Variants in ZNF251 observed in about 807,000 individuals in gnomAD.
The protein encoded by ZNF251 is zinc finger protein 251.
ZNF251 carries 14 observed loss-of-function variants against 13.5 expected under a neutral mutation model. The observed-to-expected ratio is 1.04, with a 90% CI of 0.69 to 1.63. The LOEUF (loss-of-function observed/expected upper bound fraction) is 1.63. ZNF251 is among the 40% of genes most tolerant of loss of function. The pLI, the probability that ZNF251 is intolerant of heterozygous loss-of-function variation, is 0.00. For synonymous variants in ZNF251, 287 were observed against 295.2 expected, an observed-to-expected ratio of 0.97 and a Z score of 0.28; for missense variants, 764 against 834.9, an observed-to-expected ratio of 0.92 and a Z score of 1.05.
At chr8:144,732,549 A>T (rs1230982596) in intron 4 of ZNF251, among the ~76,000 whole-genome samples, 1 of 152,196 alleles carries the variant, frequency 6.6e-6, no homozygotes, top group Non-Finnish European at 1.5e-5. Context: ...GCGGTGGCTC[A>T]CGCCTGTAAT....
intron 1 of ZNF251, 40 bp from the exon 2 acceptor site, chr8:144,754,843 G>A (rs1824882826): frequency 6.7e-7 from 1 of 1,503,694 alleles, no homozygotes; most frequent in Non-Finnish European, 8.9e-7. Flanking sequence ...CATTCAACCA[G>A]GGGTGTGGAA....
rs374175811 is a variant in ZNF251 at position 144,721,607 on chromosome 8, G to A, written c.*37C>T. Reference sequence around the variant, plus strand: ...ATGCCATCTTATCTTCTAATGTCAAGTGAACAGTTGCTAAACTGTCTTCTG... The same window carrying A: ...ATGCCATCTTATCTTCTAATGTCAAATGAACAGTTGCTAAACTGTCTTCTG... On this transcript the variant is annotated 3_prime_UTR_variant, in exon 5 of 5. Transcript: ENST00000292562. The A allele has an allele frequency of 1.5e-5, 20 of 1,314,904 alleles. No individual in the cohort carries two copies. The highest frequency in any genetic ancestry group is 4.5e-5 in the African/African-American group (3 of 66,600). The allele number at this position is 1,314,904 out of a possible 1,614,324, so 81.5% of individuals were successfully genotyped here.
At chr8:144,724,973 C>G (rs1272571873) in intron 4 of ZNF251, among the ~76,000 whole-genome samples, 1 of 152,028 alleles carries the variant, frequency 6.6e-6, no homozygotes, top group Non-Finnish European at 1.5e-5. Flanking sequence ...ATTTAGCACT[C>G]AAACAATTAT....
rs536198090 is a variant in ZNF251, at chr8:144,735,973, G to A, written c.278-12591C>T. Among the ~76,000 whole-genome samples, 347 of 152,266 alleles carry A rather than the reference G, an allele frequency of 2.3e-3. 1 individual carries two copies. Among genetic ancestry groups the A allele is most frequent in the African/African-American group, 7.8e-3 (325 of 41,562 alleles). ...TCAACTGACCCTGGCCCCCCACAGC[G>A]GGACCCAGGCCTCACCATTATTTTC... On this transcript the variant is annotated intron_variant, in intron 4 of 4. Transcript: ENST00000292562.
chr8:144,749,738 C>G (rs1033631829), intron 4 of ZNF251, among the ~76,000 whole-genome samples: 1 of 152,134 alleles, frequency 6.6e-6, no homozygotes, highest in Non-Finnish European at 1.5e-5. Context: ...ACAGCTAATA[C>G]AAGTCCACTT....
intron 4 of ZNF251, among the ~76,000 whole-genome samples, chr8:144,750,790 T>A (rs1824654621): frequency 6.6e-6 from 1 of 152,038 alleles, no homozygotes; most frequent in Non-Finnish European, 1.5e-5. Flanking sequence ...CCTGGGAGAT[T>A]ATTGCTCACA....
At chr8:144,749,643 A>G (rs1192121160) in intron 4 of ZNF251, among the ~76,000 whole-genome samples, 1 of 152,054 alleles carries the variant, frequency 6.6e-6, no homozygotes, top group Non-Finnish European at 1.5e-5. Flanking sequence ...GCATTCTATT[A>G]TATGTAATTC....
At chr8:144,732,316 G>A (rs1254885965) in intron 4 of ZNF251, among the ~76,000 whole-genome samples, 2 of 152,164 alleles carry the variant, frequency 1.3e-5, no homozygotes, top group Non-Finnish European at 2.9e-5. Flanking sequence ...AGGGAAACAT[G>A]ATTTCCAAGC....
chr8:144,754,045 A>G lies in ZNF251; in HGVS notation c.163+147T>C, dbSNP rs1006984444. 68 of 1,252,082 alleles carry G rather than the reference A, an allele frequency of 5.4e-5. No individual in the cohort carries two copies. The African/African-American group carries it at 8.3e-4, about 15-fold the overall frequency. 77.6% of individuals were successfully genotyped at this position (1,252,082 alleles called of 1,614,324 possible). ...CTGGGGAGCAAGGCAGGCTTTTCCC[A>G]TGGGAAATGTTCCTTCTGTAGAGAT... On this transcript the variant is annotated intron_variant, in intron 3 of 4. Coordinates refer to ENST00000292562, the MANE Select transcript of ZNF251 (RefSeq NM_138367.2).
At chr8:144,749,280 A>T (rs1251073539) in intron 4 of ZNF251, among the ~76,000 whole-genome samples, 1 of 152,198 alleles carries the variant, frequency 6.6e-6, no homozygotes, top group Non-Finnish European at 1.5e-5. Flanking sequence ...TGAGACCAGG[A>T]GGTCAAGACC....
At chr8:144,751,733 AC>A (rs1247315331) in intron 4 of ZNF251, among the ~76,000 whole-genome samples, 1 of 152,212 alleles carries the variant, frequency 6.6e-6, no homozygotes, top group African/African-American at 2.4e-5. Flanking sequence ...ATTACATTAA[AC>A]ATTAACAGAC....
intron 4 of ZNF251, among the ~76,000 whole-genome samples, chr8:144,732,378 T>C (rs1033215241): frequency 1.1e-4 from 16 of 152,220 alleles, no homozygotes; most frequent in Admixed American, 5.2e-4. Context: ...GTCTTCACTA[T>C]AAAGCTCTTC....
chr8:144,732,615 A>G (rs4925840), intron 4 of ZNF251, among the ~76,000 whole-genome samples: 45,645 of 151,276 alleles, frequency 0.3, 7,057 homozygotes, highest in African/African-American at 0.38. Context: ...GATGGAGACC[A>G]TCCTGGCCAA....
At chr8:144,745,431 T>A (rs531292648) in intron 4 of ZNF251, among the ~76,000 whole-genome samples, 1 of 152,316 alleles carries the variant, frequency 6.6e-6, no homozygotes, top group African/African-American at 2.4e-5. Flanking sequence ...AATTGGGTAC[T>A]ATGGGTCCTC....
chr8:144,738,148 C>A (rs927835733), intron 4 of ZNF251, among the ~76,000 whole-genome samples: 1 of 152,134 alleles, frequency 6.6e-6, no homozygotes, highest in South Asian at 2.1e-4. Context: ...GCCCAGCAGG[C>A]GGCCCAGCAC....
At chr8:144,741,126 A>C (rs1824144801) in intron 4 of ZNF251, among the ~76,000 whole-genome samples, 1 of 152,240 alleles carries the variant, frequency 6.6e-6, no homozygotes, top group Admixed American at 6.5e-5. Context: ...TCGCAAACGC[A>C]GACGGGCCCG....
intron 4 of ZNF251, among the ~76,000 whole-genome samples, chr8:144,732,502 G>A (rs909984035): frequency 1.3e-5 from 2 of 152,132 alleles, no homozygotes; most frequent in Non-Finnish European, 2.9e-5. Context: ...GTAAAAAGAC[G>A]AGTTGGCCAA....
At chr8:144,727,346 T>A (rs1823548523) in intron 4 of ZNF251, among the ~76,000 whole-genome samples, 1 of 152,238 alleles carries the variant, frequency 6.6e-6, no homozygotes, top group Admixed American at 6.5e-5. Flanking sequence ...AGGCATTGCC[T>A]TCTCTCTAGC....
chr8:144,750,846 G>GTTTTTTTTTTT (rs58473905), intron 4 of ZNF251, among the ~76,000 whole-genome samples: 1 of 141,314 alleles, frequency 7.1e-6, no homozygotes, highest in Non-Finnish European at 1.5e-5. Flanking sequence ...TCTCTCCAGA[G>GTTTTTTTTTTT]TTTTTTTTTT....
Sources: allele counts gnomAD v4.1 joint callset (sites outside exome capture counted in the v4.1 genomes callset), GRCh38; gene constraint gnomAD v4.1.1; transcripts MANE v1.5; gene names NCBI Gene and HGNC (gene_info 2026-07-23, HGNC 2026-07-21).